The following XRN1 variants were observed in gnomAD, a reference collection of about 807,000 sequenced individuals.
XRN1 encodes strand-exchange protein 1 homolog.
Under a neutral mutation model 222.3 loss-of-function variants are expected in XRN1, and 67 were observed. That is an observed-to-expected ratio of 0.30 (90% CI 0.25 to 0.37). The LOEUF is 0.37. Ranked by LOEUF, XRN1 falls within the 10% of genes least tolerant of loss-of-function variation. The pLI is 1.00. For missense variants in XRN1, 1,707 were observed against 2,000.2 expected, an observed-to-expected ratio of 0.85 and a Z score of 2.80; for synonymous variants, 643 against 652.4, an observed-to-expected ratio of 0.99 and a Z score of 0.22.
chr3:142,334,720 T>A (rs1208858709), intron 34 of XRN1, among the ~76,000 whole-genome samples: 1 of 151,420 alleles, frequency 6.6e-6, no homozygotes, highest in Non-Finnish European at 1.5e-5. Flanking sequence ...TGTATATATA[T>A]AAGACCATAT....
Position 142,347,297 on chromosome 3 carries a change from TATG to T in XRN1, c.3811_3813del (p.His1271del). Reference sequence around the variant, plus strand: ...ACACTGTTGTCATTAAAGCCAGATTTATGATGTTGATTTACTTGGCTTATTTCT... The same window carrying T: ...ACACTGTTGTCATTAAAGCCAGATTTATGTTGATTTACTTGGCTTATTTCT... On this transcript the variant is annotated inframe_deletion, in exon 33 of 41. Coordinates refer to ENST00000392981, the MANE Select transcript of XRN1 (RefSeq NM_001282857.2). 1.2e-6 allele frequency: 2 copies of T among 1,607,512 alleles called. No homozygotes were observed. The highest frequency in any genetic ancestry group is 1.7e-6 in the Non-Finnish European group (2 of 1,176,950).
chr3:142,422,810 G>C (rs749943112), intron 7 of XRN1, 25 bp downstream of exon 7: 3 of 1,599,760 alleles, frequency 1.9e-6, no homozygotes, highest in Non-Finnish European at 2.6e-6. Context: ...GGAAATCCTT[G>C]GTCCATGGCT....
chr3:142,376,574 G>A lies in XRN1; in HGVS notation c.2736C>T (p.Asn912=). ...QNQHKYSIKY[N]PGYVLASRLG... ...GGCGACTGGCCAACACATATCCTGGGTTGTACTTTATAGAATATTTCTTTA... is the reference window on the plus strand; with the variant it reads ...GGCGACTGGCCAACACATATCCTGGATTGTACTTTATAGAATATTTCTTTA... The change falls in exon 24 of 41, where the codon AAC becomes AAT. Residue 912 remains asparagine, a synonymous_variant. Coordinates refer to ENST00000392981, the MANE Select transcript of XRN1 (RefSeq NM_001282857.2). 2 of 1,611,406 alleles carry A rather than the reference G, an allele frequency of 1.2e-6. No homozygotes were observed. Among genetic ancestry groups the A allele is most frequent in the Non-Finnish European group, 1.7e-6 (2 of 1,178,462 alleles).
rs368341842 is a variant in XRN1 at position 142,397,470 on chromosome 3, T to C, written c.2208-10A>G. On this transcript the variant is annotated splice_polypyrimidine_tract_variant and intron_variant, in intron 19 of 40. Transcript: ENST00000392981. Reference sequence around the variant, plus strand: ...TTCTTCCAAGTAAAACCTTAAGAGTTAAAATAAAAATTATATAACCAAAAT... The same window carrying C: ...TTCTTCCAAGTAAAACCTTAAGAGTCAAAATAAAAATTATATAACCAAAAT... 15 of 1,575,130 alleles carry C rather than the reference T, an allele frequency of 9.5e-6. No homozygotes were observed. In the African/African-American group the frequency reaches 2.1e-4, roughly 22 times the overall value.
At chr3:142,360,853 G>A (rs531479973) in intron 29 of XRN1, among the ~76,000 whole-genome samples, 21 of 120,902 alleles carry the variant, frequency 1.7e-4, no homozygotes, top group Non-Finnish European at 3.0e-4. Context: ...CAGCCTGGGC[G>A]ACAGAGCGAG....
intron 27 of XRN1, among the ~76,000 whole-genome samples, chr3:142,366,473 G>A (rs1334154889): frequency 1.3e-5 from 2 of 152,238 alleles, no homozygotes; most frequent in African/African-American, 2.4e-5. Flanking sequence ...TTTGTATGCT[G>A]TATATTGATT....
chr3:142,337,822 G>C (rs2065891060), intron 33 of XRN1, among the ~76,000 whole-genome samples: 1 of 152,192 alleles, frequency 6.6e-6, no homozygotes, highest in South Asian at 2.1e-4. Context: ...CAAAATGTCA[G>C]AGTAAGGACC....
At chr3:142,414,465 C>G (rs2068708759) in intron 13 of XRN1, 174 bp from the exon 14 acceptor site, 4 of 431,812 alleles carry the variant, frequency 9.3e-6, no homozygotes, top group Non-Finnish European at 1.5e-5. Flanking sequence ...AAATTTAGGT[C>G]ATCCGATGGC....
At chr3:142,374,467 G>T (rs1164720255) in intron 25 of XRN1, among the ~76,000 whole-genome samples, 1 of 152,110 alleles carries the variant, frequency 6.6e-6, no homozygotes, top group African/African-American at 2.4e-5. Context: ...ATGTGTACAA[G>T]AAATAAAATG....
chr3:142,378,105 T>G (rs941464354), intron 23 of XRN1, among the ~76,000 whole-genome samples: 7 of 152,238 alleles, frequency 4.6e-5, no homozygotes, highest in Admixed American at 6.5e-5. Context: ...GCTGGTTGAT[T>G]GTGAATTAAT....
intron 36 of XRN1, among the ~76,000 whole-genome samples, chr3:142,331,912 C>T (rs1187892664): frequency 6.6e-6 from 1 of 152,054 alleles, no homozygotes; most frequent in Admixed American, 6.5e-5. Flanking sequence ...GTAGCTGGGA[C>T]TACAGGCACA....
chr3:142,312,622 C>A lies in XRN1; in HGVS notation c.4758G>T (p.Val1586=). ...MPMAGGIPGG[V]HNQFIPLQVT... is the part of the protein sequence containing the mutation. ...CCTGCAGAGGTATAAACTGATTGTG[C>A]ACACCCCCTGGTATTCCCCCAGCCA... The change falls in exon 40 of 41, where the codon GTG becomes GTT. Residue 1586 remains valine (V), a synonymous_variant. Transcript: ENST00000392981. 1 of 1,611,588 alleles carries A rather than the reference C, an allele frequency of 6.2e-7. No individual in the cohort carries two copies. The highest frequency in any genetic ancestry group is 1.1e-5 in the South Asian group (1 of 90,756).
At chr3:142,313,864 T>C (rs1453186827) in intron 39 of XRN1, among the ~76,000 whole-genome samples, 1 of 152,136 alleles carries the variant, frequency 6.6e-6, no homozygotes, top group Non-Finnish European at 1.5e-5. Context: ...TGCTTGAGCC[T>C]GGGAGGTGGA....
chr3:142,377,178 C>T (rs2067169342), intron 23 of XRN1, among the ~76,000 whole-genome samples: 2 of 149,344 alleles, frequency 1.3e-5, no homozygotes, highest in Non-Finnish European at 3.0e-5. Flanking sequence ...TGAAATGTAA[C>T]CTTAATTTAT....
intron 37 of XRN1, among the ~76,000 whole-genome samples, chr3:142,322,811 T>A (rs2065395910): frequency 6.6e-6 from 1 of 152,146 alleles, no homozygotes; most frequent in Non-Finnish European, 1.5e-5. Flanking sequence ...GAGACCAGCC[T>A]GACCAACATG....
At chr3:142,340,344 A>C (rs1193571160) in intron 33 of XRN1, among the ~76,000 whole-genome samples, 1 of 151,942 alleles carries the variant, frequency 6.6e-6, no homozygotes, top group African/African-American at 2.4e-5. Context: ...AATAAAAGTG[A>C]AACTCCATCT....
rs1284955765 is a variant in XRN1 at position 142,318,511 on chromosome 3, G to A, written c.4621+81C>T. The A allele has an allele frequency of 2.4e-6, 3 of 1,240,748 alleles. No individual in the cohort carries two copies. In the African/African-American group the frequency reaches 4.5e-5, roughly 19 times the overall value. 76.9% of individuals were successfully genotyped at this position (1,240,748 alleles called of 1,614,324 possible). ...TTTCTTCTTACATTCCTAGATATTT[G>A]AGTACATTCTTGATTTCTTAAAAGA... On this transcript the variant is annotated intron_variant, in intron 39 of 40. Transcript: ENST00000392981.
At chr3:142,417,708 T>A (rs1298972102) in intron 12 of XRN1, 1 of 152,260 alleles carries the variant, frequency 6.6e-6, no homozygotes, top group African/African-American at 2.4e-5. Flanking sequence ...TTCCTTCTAA[T>A]CCTTTCTTTG....
At chr3:142,428,603 G>C (rs972720217) in intron 2 of XRN1, among the ~76,000 whole-genome samples, 2 of 152,100 alleles carry the variant, frequency 1.3e-5, no homozygotes, top group Admixed American at 6.6e-5. Context: ...AGACAGATGT[G>C]ACAAATTTGA....
Sources: gnomAD v4.1 joint callset for allele counts (sites outside exome capture counted in the v4.1 genomes callset) on GRCh38, gnomAD v4.1.1 for gene constraint, MANE v1.5 for transcripts, NCBI Gene and HGNC (gene_info 2026-07-23, HGNC 2026-07-21) for gene names.